The following PTPRE variants were observed in gnomAD, a reference collection of about 807,000 sequenced individuals.
PTPRE encodes receptor-type tyrosine-protein phosphatase epsilon.
In PTPRE, 51 loss-of-function variants were observed where a neutral mutation model predicts 102.0. The ratio of observed to expected loss-of-function variants is 0.50; its 90% CI spans 0.40 to 0.63. PTPRE has a LOEUF of 0.63. Ranked by LOEUF, PTPRE falls within the 30% of genes least tolerant of loss-of-function variation. PTPRE has a pLI of 0.00. For missense variants in PTPRE, 752 were observed against 915.1 expected (o/e 0.82, Z 2.30); for synonymous variants, 345 against 348.2 (o/e 0.99, Z 0.10).
At chr10:127,994,164 C>T (rs940952654) in intron 2 of PTPRE, among the ~76,000 whole-genome samples, 12 of 152,310 alleles carry the variant, frequency 7.9e-5, no homozygotes, top group South Asian at 2.1e-4. Flanking sequence ...GCTCTGCTCT[C>T]GTGTTCCCGA....
At chr10:127,989,370 G>C (rs1406941006) in intron 2 of PTPRE, among the ~76,000 whole-genome samples, 2 of 152,126 alleles carry the variant, frequency 1.3e-5, no homozygotes, top group Non-Finnish European at 1.5e-5. Flanking sequence ...TTGCATTTCT[G>C]ATAAGACACA....
intron 2 of PTPRE, among the ~76,000 whole-genome samples, chr10:128,003,632 G>C (rs374672356): frequency 6.6e-6 from 1 of 152,132 alleles, no homozygotes; most frequent in Non-Finnish European, 1.5e-5. Context: ...GTTCACGCGC[G>C]GACATCAGGC....
chr10:128,046,002 C>T (rs975975072), intron 3 of PTPRE, among the ~76,000 whole-genome samples: 1 of 152,190 alleles, frequency 6.6e-6, no homozygotes, highest in East Asian at 1.9e-4. Context: ...TGCCCTCTCT[C>T]ACGGCTGGGG....
intron 1 of PTPRE, among the ~76,000 whole-genome samples, chr10:127,966,397 A>C (rs940479925): frequency 2.0e-5 from 3 of 152,240 alleles, no homozygotes; most frequent in African/African-American, 7.2e-5. Context: ...ATTACAGCCA[A>C]AATACACATA....
intron 1 of PTPRE, among the ~76,000 whole-genome samples, chr10:127,928,882 T>C (rs1262122456): frequency 6.6e-6 from 1 of 152,236 alleles, no homozygotes; most frequent in African/African-American, 2.4e-5. Context: ...ACGAAGGCCA[T>C]GGTCAGTTGC....
At chr10:127,952,630 A>G (rs948358465) in intron 1 of PTPRE, among the ~76,000 whole-genome samples, 1 of 152,124 alleles carries the variant, frequency 6.6e-6, no homozygotes, top group Non-Finnish European at 1.5e-5. Flanking sequence ...TTGTAAACCC[A>G]TAGTACTCAG....
At chr10:128,007,584 A>G (rs547493180) in intron 2 of PTPRE, among the ~76,000 whole-genome samples, 2 of 152,230 alleles carry the variant, frequency 1.3e-5, no homozygotes, top group Non-Finnish European at 2.9e-5. Flanking sequence ...GTTTCAGAAT[A>G]ATTCCCACGT....
intron 11 of PTPRE, among the ~76,000 whole-genome samples, chr10:128,066,952 CCA>C (rs1850168596): frequency 2.4e-5 from 3 of 125,558 alleles, no homozygotes; most frequent in Admixed American, 7.6e-5. Flanking sequence ...GCACATACAC[CCA>C]CACACAGGCA....
chr10:128,024,821 G>C lies in PTPRE; in HGVS notation c.-7-16054G>C, dbSNP rs180779452. Among the ~76,000 whole-genome samples the C allele has an allele frequency of 9.2e-4, 140 of 152,196 alleles. 2 individuals carry two copies. Among genetic ancestry groups the C allele is most frequent in the Non-Finnish European group, 6.3e-4 (43 of 68,016 alleles). Reference sequence around the variant, plus strand: ...AAAATTATTTGATAAAATAAAGTTTGGTGTATAATCCACAGGTGTGCACTT... The same window carrying C: ...AAAATTATTTGATAAAATAAAGTTTCGTGTATAATCCACAGGTGTGCACTT... On this transcript the variant is annotated intron_variant, in intron 2 of 20. Coordinates refer to ENST00000254667, the MANE Select transcript of PTPRE (RefSeq NM_006504.6).
At chr10:128,006,435 T>C (rs1445266752) in intron 2 of PTPRE, among the ~76,000 whole-genome samples, 1 of 152,244 alleles carries the variant, frequency 6.6e-6, no homozygotes, top group Non-Finnish European at 1.5e-5. Context: ...TTGAAAATCA[T>C]TGCTTAATTT....
intron 1 of PTPRE, among the ~76,000 whole-genome samples, chr10:127,943,724 G>A (rs1808212472): frequency 6.6e-6 from 1 of 152,212 alleles, no homozygotes. Context: ...CAGTTGGTCA[G>A]CACTTCCCAA....
rs11018426 is a variant in PTPRE at position 127,966,711 on chromosome 10, T to A, written c.-30-15563T>A. On this transcript the variant is annotated intron_variant, in intron 1 of 20. Transcript: ENST00000254667. ...ATAGAAAACCCATGGCTCAGAGAGTTGAGGTAACTGCCCAGGCTGCTCTGA... is the reference window on the plus strand; with the variant it reads ...ATAGAAAACCCATGGCTCAGAGAGTAGAGGTAACTGCCCAGGCTGCTCTGA... Among the ~76,000 whole-genome samples the A allele has an allele frequency of 1.0e-2, 1,517 of 152,304 alleles. 37 individuals carry two copies. The highest frequency in any genetic ancestry group is 0.035 in the African/African-American group (1,440 of 41,558).
At chr10:127,953,826 CAA>C (rs1849212262) in intron 1 of PTPRE, among the ~76,000 whole-genome samples, 1 of 152,120 alleles carries the variant, frequency 6.6e-6, no homozygotes, top group Admixed American at 6.5e-5. Flanking sequence ...TCTCAATGGG[CAA>C]AACACTGGGC....
intron 20 of PTPRE, among the ~76,000 whole-genome samples, chr10:128,082,518 GT>G (rs1564983173): frequency 1.4e-5 from 2 of 148,074 alleles, no homozygotes; most frequent in Admixed American, 1.3e-4. Context: ...ACCTGGCCTG[GT>G]TTTTTGTTTT....
At chr10:127,978,194 G>A (rs1851337382) in intron 1 of PTPRE, among the ~76,000 whole-genome samples, 1 of 152,144 alleles carries the variant, frequency 6.6e-6, no homozygotes, top group Admixed American at 6.5e-5. Flanking sequence ...GCTTCACTGG[G>A]AGGAAGGAGA....
rs945575498 is a variant in PTPRE at position 128,083,770 on chromosome 10, G to T, written c.*864G>T. The T allele has an allele frequency of 6.6e-5, 10 of 152,310 alleles. No homozygotes were observed. The highest frequency in any genetic ancestry group is 2.4e-4 in the African/African-American group (10 of 41,452). 9.4% of individuals were successfully genotyped at this position (152,310 alleles called of 1,614,324 possible). A position where few individuals can be genotyped will look rare whatever the true frequency, so the allele number is the denominator to read the frequency against. ...GCGGCCTGGGCTGGTCCAGTGCTAT[G>T]CCTGGAGGCTCAACACAAAACTTCC... On this transcript the variant is annotated 3_prime_UTR_variant, in exon 21 of 21. Transcript: ENST00000254667.
In PTPRE at chr10:128,060,970, G is replaced by A. The variant is rs1849536469; in HGVS notation, c.543G>A (p.Leu181=). The change falls in exon 8 of 21, where the codon CTG becomes CTA. Residue 181 remains leucine (L), a synonymous_variant. Coordinates refer to ENST00000254667, the MANE Select transcript of PTPRE (RefSeq NM_006504.6). The part of the protein sequence containing the change: ...NDHSRVILSQ[L]DGIPCSDYIN... ...ATTCTAGGGTGATTCTGAGCCAACT[G>A]GATGGAATTCCCTGTTCAGACTACA... The A allele has an allele frequency of 6.2e-7, 1 of 1,614,136 alleles. No homozygotes were observed. The highest frequency in any genetic ancestry group is 8.5e-7 in the Non-Finnish European group (1 of 1,180,010).
intron 18 of PTPRE, 45 bp from the exon 19 acceptor site, chr10:128,077,572 T>TC (rs781236929): frequency 1.3e-4 from 203 of 1,567,382 alleles, no homozygotes; most frequent in Non-Finnish European, 1.8e-4. Context: ...TGGGGCCTGT[T>TC]CCCCGGCAGG....
intron 1 of PTPRE, among the ~76,000 whole-genome samples, chr10:127,928,997 A>G (rs531017113): frequency 2.0e-5 from 3 of 152,350 alleles, no homozygotes; most frequent in African/African-American, 4.8e-5. Flanking sequence ...TTTGTTTGCA[A>G]TTGACAACAC....
Sources: allele counts gnomAD v4.1 joint callset (sites outside exome capture counted in the v4.1 genomes callset), GRCh38; gene constraint gnomAD v4.1.1; transcripts MANE v1.5; gene names NCBI Gene and HGNC (gene_info 2026-07-23, HGNC 2026-07-21).